SORBS2: variants seen among roughly 807,000 people sequenced by gnomAD.
SORBS2 encodes the protein sorbin and SH3 domain-containing protein 2.
In SORBS2, 46 loss-of-function variants were observed where a neutral mutation model predicts 97.7. The ratio of observed to expected loss-of-function variants is 0.47; its 90% CI spans 0.37 to 0.60. The LOEUF (loss-of-function observed/expected upper bound fraction) is 0.60, where lower values mean the gene tolerates loss of function less well. Among genes scored for constraint, SORBS2 ranks in the 20% least tolerant of loss-of-function variants. SORBS2 has a pLI of 0.00. For missense variants in SORBS2, 1,316 were observed against 1,282.3 expected, an observed-to-expected ratio of 1.03 and a Z score of -0.40; for synonymous variants, 476 against 473.4, an observed-to-expected ratio of 1.01 and a Z score of -0.07.
At chr4:185,627,112 T>A in intron 5 of SORBS2, 93 bp from the exon 18 acceptor site, 1 of 1,061,914 alleles carries the variant, frequency 9.4e-7, no homozygotes, top group South Asian at 1.3e-5. Context: ...GACAATGGCG[T>A]AACTCCTAAA....
intron 1 of SORBS2, among the ~76,000 whole-genome samples, chr4:185,893,022 C>G (rs1021333477): frequency 3.3e-5 from 5 of 152,042 alleles, no homozygotes; most frequent in African/African-American, 1.2e-4. Flanking sequence ...ATAATATATT[C>G]TTCTGTGATT....
intron 2 of SORBS2, among the ~76,000 whole-genome samples, chr4:185,727,388 G>A (rs1194830215): frequency 6.6e-6 from 1 of 152,130 alleles, no homozygotes; most frequent in Admixed American, 6.6e-5. Flanking sequence ...ACAAGTAGAA[G>A]TTAAAAGGAT....
chr4:185,884,908 T>C (rs2099238624), intron 1 of SORBS2, among the ~76,000 whole-genome samples: 1 of 152,218 alleles, frequency 6.6e-6, no homozygotes, highest in Non-Finnish European at 1.5e-5. Context: ...GTTACAGTCA[T>C]ACTGCTGATT....
At chr4:185,891,502 T>C (rs554946816) in intron 1 of SORBS2, among the ~76,000 whole-genome samples, 1 of 152,316 alleles carries the variant, frequency 6.6e-6, no homozygotes, top group African/African-American at 2.4e-5. Context: ...CGTGCTCAAT[T>C]ATTTCTGCAG....
rs371149595 is a variant in SORBS2, at chr4:185,874,161, G to A, written c.-338+82035C>T. ...AAATTATCTGAACAAATAAGAGATT[G>A]AACTACGGTTTGCTGAGGCGCTGGA... On this transcript the variant is annotated intron_variant, in intron 1 of 20. Coordinates refer to the SORBS2 transcript ENST00000284776. Among the ~76,000 whole-genome samples the A allele has an allele frequency of 2.4e-3, 361 of 152,248 alleles. 2 individuals are homozygous for A. Among genetic ancestry groups the A allele is most frequent in the Non-Finnish European group, 2.9e-3 (196 of 68,002 alleles).
At chr4:185,805,272 ATG>A (rs2099148417) in intron 1 of SORBS2, among the ~76,000 whole-genome samples, 1 of 152,020 alleles carries the variant, frequency 6.6e-6, no homozygotes, top group Non-Finnish European at 1.5e-5. Flanking sequence ...TTAAATTTTC[ATG>A]TGTTTTTTCT....
At chr4:185,731,832 T>TTCTCTCTCTCTCTCTCTC (rs1201714307) in intron 2 of SORBS2, among the ~76,000 whole-genome samples, 1 of 33,288 alleles carries the variant, frequency 3.0e-5, no homozygotes. Context: ...GTCTCTCTCT[T>TTCTCTCTCTCTCTCTCTC]TCTCTCTCTC....
intron 1 of SORBS2, among the ~76,000 whole-genome samples, chr4:185,948,756 G>A (rs976649448): frequency 2.7e-4 from 41 of 152,012 alleles, no homozygotes; most frequent in African/African-American, 9.6e-4. Flanking sequence ...GAACTCAGGT[G>A]ATCCACCCGC....
At chr4:185,945,125 C>T (rs1268117154) in intron 1 of SORBS2, among the ~76,000 whole-genome samples, 1 of 152,290 alleles carries the variant, frequency 6.6e-6, no homozygotes, top group Non-Finnish European at 1.5e-5. Flanking sequence ...GGGCCCTGAA[C>T]ATTAAGTAGA....
intron 4 of SORBS2, chr4:185,677,574 C>T: frequency 6.5e-7 from 1 of 1,542,942 alleles, no homozygotes; most frequent in Non-Finnish European, 8.7e-7. Context: ...TAAAATGACA[C>T]CCTTTGTGTG....
intron 2 of SORBS2, among the ~76,000 whole-genome samples, chr4:185,707,006 T>A (rs1384161668): frequency 6.6e-6 from 1 of 152,182 alleles, no homozygotes; most frequent in Non-Finnish European, 1.5e-5. Flanking sequence ...TTCTTGTGAA[T>A]TAACTGCTTG....
intron 1 of SORBS2, among the ~76,000 whole-genome samples, chr4:185,918,935 G>A (rs77957384): frequency 0.19 from 28,182 of 152,114 alleles, 3,443 homozygotes; most frequent in African/African-American, 0.35. Context: ...TAACTGGAAT[G>A]AGTCCACAGA....
intron 1 of SORBS2, among the ~76,000 whole-genome samples, chr4:185,953,174 G>A (rs67408926): frequency 0.15 from 22,609 of 152,210 alleles, 2,210 homozygotes; most frequent in Middle Eastern, 0.24. Context: ...AATCAGCCAG[G>A]TGCAGGGGCG....
At chr4:185,633,723 A>G (rs956140617) in intron 4 of SORBS2, among the ~76,000 whole-genome samples, 2 of 150,940 alleles carry the variant, frequency 1.3e-5, no homozygotes, top group East Asian at 1.9e-4. Flanking sequence ...AGAGAGATAT[A>G]TTTTTTTTTC....
intron 12 of SORBS2, among the ~76,000 whole-genome samples, chr4:185,603,346 G>C (rs917592451): frequency 1.3e-5 from 2 of 152,146 alleles, no homozygotes; most frequent in Non-Finnish European, 2.9e-5. Context: ...ATCATATAAA[G>C]TGGCATTATT....
intron 1 of SORBS2, among the ~76,000 whole-genome samples, chr4:185,815,119 ATC>A (rs1336181614): frequency 8.5e-5 from 13 of 152,360 alleles, no homozygotes; most frequent in African/African-American, 3.1e-4. Flanking sequence ...ACTTGGCATT[ATC>A]TAGTTTTAAA....
intron 2 of SORBS2, among the ~76,000 whole-genome samples, chr4:185,719,618 A>T (rs1050683446): frequency 6.6e-6 from 1 of 152,264 alleles, no homozygotes; most frequent in Non-Finnish European, 1.5e-5. Flanking sequence ...GGCTCTGACT[A>T]GCTTAGCATG....
intron 2 of SORBS2, among the ~76,000 whole-genome samples, chr4:185,770,337 G>A (rs1260119870): frequency 6.6e-6 from 1 of 152,132 alleles, no homozygotes; most frequent in Non-Finnish European, 1.5e-5. Context: ...CTCCACTCTA[G>A]TCCTTCAATT....
At chr4:185,870,402 C>T (rs956263395) in intron 1 of SORBS2, among the ~76,000 whole-genome samples, 3 of 152,208 alleles carry the variant, frequency 2.0e-5, no homozygotes, top group Non-Finnish European at 4.4e-5. Flanking sequence ...TGCGGGCATC[C>T]CAACTACCCA....
Sources: gnomAD v4.1 joint callset for allele counts (sites outside exome capture counted in the v4.1 genomes callset) on GRCh38, gnomAD v4.1.1 for gene constraint, MANE v1.5 for transcripts, NCBI Gene and HGNC (gene_info 2026-07-23, HGNC 2026-07-21) for gene names.